Variants in PTPRC observed in about 807,000 individuals in gnomAD.
PTPRC encodes the protein protein tyrosine phosphatase receptor type C.
A neutral mutation model predicts 155.9 loss-of-function variants in PTPRC; 44 were observed. That is an observed-to-expected ratio of 0.28 (90% CI 0.22 to 0.36). PTPRC has a LOEUF of 0.36. Among genes scored for constraint, PTPRC ranks in the 10% least tolerant of loss-of-function variants. The pLI, the probability that PTPRC is intolerant of heterozygous loss-of-function variation, is 1.00. For missense variants in PTPRC, 1,401 were observed against 1,564.6 expected (o/e 0.90, Z 1.76); for synonymous variants, 525 against 533.1 (o/e 0.98, Z 0.21).
chr1:198,698,180 C>T (rs1666294631), intron 4 of PTPRC, among the ~76,000 whole-genome samples: 1 of 152,110 alleles, frequency 6.6e-6, no homozygotes, highest in South Asian at 2.1e-4. Flanking sequence ...TTTTCATTCC[C>T]ACATTTTTAA....
intron 2 of PTPRC, among the ~76,000 whole-genome samples, chr1:198,650,526 C>A (rs980051825): frequency 5.3e-5 from 8 of 151,716 alleles, no homozygotes; most frequent in African/African-American, 1.9e-4. Context: ...CCCATGAGCA[C>A]TGGGATGGGA....
chr1:198,679,988 C>T (rs768123329), intron 2 of PTPRC: 2 of 616,008 alleles, frequency 3.2e-6, no homozygotes, highest in Non-Finnish European at 5.8e-6. Flanking sequence ...TGCGGCTGCC[C>T]GTCCACTTCC....
intron 2 of PTPRC, among the ~76,000 whole-genome samples, chr1:198,681,999 AC>A (rs1665362811): frequency 1.3e-5 from 2 of 152,220 alleles, no homozygotes; most frequent in Non-Finnish European, 2.9e-5. Flanking sequence ...TGTGTGCTTA[AC>A]CGCATGAGCT....
intron 2 of PTPRC, among the ~76,000 whole-genome samples, chr1:198,656,821 C>A (rs1213403554): frequency 6.6e-6 from 1 of 151,812 alleles, no homozygotes; most frequent in Non-Finnish European, 1.5e-5. Context: ...TGGTTATGTT[C>A]TGCCAGATGG....
chr1:198,685,382 A>T (rs968554804), intron 2 of PTPRC, among the ~76,000 whole-genome samples: 2 of 151,910 alleles, frequency 1.3e-5, no homozygotes, highest in African/African-American at 4.8e-5. Flanking sequence ...AAGAAAAAAA[A>T]TACATATATA....
At chr1:198,737,271 A>G (rs1654689237) in intron 23 of PTPRC, among the ~76,000 whole-genome samples, 1 of 151,670 alleles carries the variant, frequency 6.6e-6, no homozygotes, top group South Asian at 2.1e-4. Context: ...TGCACAAACC[A>G]ATGCCCTGGA....
At chr1:198,639,362 AT>A in intron 2 of PTPRC, 21 bp downstream of exon 2, 2 of 1,543,122 alleles carry the variant, frequency 1.3e-6, no homozygotes, top group South Asian at 1.2e-5. Flanking sequence ...GGATATTAAT[AT>A]TTTTTAAATT....
At chr1:198,721,707 G>T (rs901324463) in intron 14 of PTPRC, among the ~76,000 whole-genome samples, 1 of 151,782 alleles carries the variant, frequency 6.6e-6, no homozygotes, top group African/African-American at 2.4e-5. Flanking sequence ...CTCTATGTGT[G>T]ATATTTATGA....
At chr1:198,672,211 A>G (rs1458409885) in intron 2 of PTPRC, among the ~76,000 whole-genome samples, 1 of 152,186 alleles carries the variant, frequency 6.6e-6, no homozygotes, top group Non-Finnish European at 1.5e-5. Context: ...GACAAAAGGA[A>G]ACAATACCCC....
intron 2 of PTPRC, among the ~76,000 whole-genome samples, chr1:198,684,730 G>T (rs1665524422): frequency 6.6e-6 from 1 of 151,808 alleles, no homozygotes; most frequent in Non-Finnish European, 1.5e-5. Context: ...TTGAGATGTT[G>T]CTTTTTATAA....
chr1:198,751,565 T>A (rs1329352859), intron 29 of PTPRC, among the ~76,000 whole-genome samples: 1 of 152,020 alleles, frequency 6.6e-6, no homozygotes, highest in Admixed American at 6.6e-5. Flanking sequence ...AAGTCCAGAT[T>A]TCTAGCATGG....
rs537091062 is a variant in PTPRC, at chr1:198,719,679, C to A, written c.1659+1377C>A. On this transcript the variant is annotated intron_variant, in intron 14 of 32. Transcript: ENST00000442510. ...AGGCTGGAGTGTGGTGGCGTGATCT[C>A]GGCTCACTGCAACCTCCGCCTCCCG... Among the ~76,000 whole-genome samples the A allele has an allele frequency of 1.8e-4, 27 of 151,944 alleles. No homozygotes were observed. The South Asian group carries it at 5.6e-3, about 32-fold the overall frequency.
chr1:198,658,464 AC>A (rs1231178881), intron 2 of PTPRC, among the ~76,000 whole-genome samples: 3 of 152,196 alleles, frequency 2.0e-5, no homozygotes, highest in Non-Finnish European at 4.4e-5. Flanking sequence ...CACAATGTAT[AC>A]ATACCTCCTT....
chr1:198,725,050 C>T lies in PTPRC; in HGVS notation c.1720+2574C>T, dbSNP rs145292356. On this transcript the variant is annotated intron_variant, in intron 15 of 32. Transcript: ENST00000442510. ...CTCTTGATCTCAAATGATCCACCTG[C>T]CTTGGCCTCCCAAAGTGCTGGGATT... is the stretch of plus-strand genomic sequence containing the variant. Among the ~76,000 whole-genome samples the T allele has an allele frequency of 6.2e-3, 947 of 152,260 alleles. 13 individuals are homozygous for T. Among genetic ancestry groups the T allele is most frequent in the African/African-American group, 0.021 (893 of 41,552 alleles).
chr1:198,733,720 G>T (rs879218115), intron 20 of PTPRC, among the ~76,000 whole-genome samples: 1 of 151,704 alleles, frequency 6.6e-6, no homozygotes, highest in South Asian at 2.1e-4. Context: ...GAAGTCTAGG[G>T]AATCATATTC....
At chr1:198,640,099 T>C (rs895097347) in intron 2 of PTPRC, among the ~76,000 whole-genome samples, 7 of 152,040 alleles carry the variant, frequency 4.6e-5, no homozygotes, top group Non-Finnish European at 1.0e-4. Flanking sequence ...ATGCAACTAG[T>C]TGGACTTCCA....
chr1:198,706,553 CT>C (rs1652979534), intron 8 of PTPRC, among the ~76,000 whole-genome samples, 180 bp from the exon 9 acceptor site: 1 of 152,076 alleles, frequency 6.6e-6, no homozygotes, highest in African/African-American at 2.4e-5. Context: ...AGCTGAGGTC[CT>C]TGTTAGGGCA....
intron 2 of PTPRC, among the ~76,000 whole-genome samples, chr1:198,683,392 C>A (rs761851991): frequency 3.9e-5 from 6 of 152,162 alleles, no homozygotes; most frequent in Non-Finnish European, 5.9e-5. Flanking sequence ...CATACACTTA[C>A]TAAGGGATTA....
intron 8 of PTPRC, among the ~76,000 whole-genome samples, chr1:198,705,638 C>T (rs1295178445): frequency 6.6e-6 from 1 of 151,952 alleles, no homozygotes; most frequent in Non-Finnish European, 1.5e-5. Flanking sequence ...CCACGCTGGT[C>T]TTGAACTCCT....
Sources: allele counts gnomAD v4.1 joint callset (sites outside exome capture counted in the v4.1 genomes callset), GRCh38; gene constraint gnomAD v4.1.1; transcripts MANE v1.5; gene names NCBI Gene and HGNC (gene_info 2026-07-23, HGNC 2026-07-21).